The following NDUFAF2 variants were observed in gnomAD, a reference collection of about 807,000 sequenced individuals.
NDUFAF2 encodes NADH dehydrogenase [ubiquinone] 1 alpha subcomplex assembly factor 2.
In NDUFAF2, 13 loss-of-function variants were observed where a neutral mutation model predicts 22.8. The ratio of observed to expected loss-of-function variants is 0.57; its 90% CI spans 0.37 to 0.91. The LOEUF (loss-of-function observed/expected upper bound fraction) is 0.91, where lower values mean the gene tolerates loss of function less well. Among genes scored for constraint, NDUFAF2 ranks in the 40% least tolerant of loss-of-function variants. The pLI, the probability that NDUFAF2 is intolerant of heterozygous loss-of-function variation, is 0.01. For missense variants in NDUFAF2, 162 were observed against 195.2 expected (o/e 0.83, Z 1.01); for synonymous variants, 53 against 64.2 (o/e 0.83, Z 0.84).
chr5:60,973,736 T>C (rs967613281), intron 1 of NDUFAF2, among the ~76,000 whole-genome samples: 4 of 152,198 alleles, frequency 2.6e-5, no homozygotes, highest in Non-Finnish European at 5.9e-5. Flanking sequence ...ATTCTTAAGT[T>C]CTTTATTAAG....
rs1240336890 is a variant in NDUFAF2 at position 61,147,437 on chromosome 5, C to CTTTTTTTTTTTTTTTTTTTTTT, written c.259-5250_259-5249insTTTTTTTTTTTTTTTTTTTTTT. Among the ~76,000 whole-genome samples, 33 of 84,736 alleles carry CTTTTTTTTTTTTTTTTTTTTTT rather than the reference C, an allele frequency of 3.9e-4. 3 individuals are homozygous for CTTTTTTTTTTTTTTTTTTTTTT. Among genetic ancestry groups the CTTTTTTTTTTTTTTTTTTTTTT allele is most frequent in the South Asian group, 1.0e-3 (2 of 1,914 alleles). 55.6% of individuals were successfully genotyped at this position (84,736 alleles called of 152,430 possible). A position where few individuals can be genotyped will look rare whatever the true frequency, so the allele number is the denominator to read the frequency against. On this transcript the variant is annotated intron_variant, in intron 3 of 3. Transcript: ENST00000296597. ...CTAATTTTTGTATTTTTTTTTCTTT[C>CTTTTTTTTTTTTTTTTTTTTTT]TTTTTTTTTTTTTTTTTGTAGCAAC...
At chr5:61,008,362 A>T (rs1751400434) in intron 1 of NDUFAF2, among the ~76,000 whole-genome samples, 1 of 152,152 alleles carries the variant, frequency 6.6e-6, no homozygotes, top group South Asian at 2.1e-4. Flanking sequence ...TACTACAAAG[A>T]ATAGTCTTTG....
intron 2 of NDUFAF2, among the ~76,000 whole-genome samples, chr5:61,096,597 CAAAAAAAA>C (rs35508356): frequency 2.1e-4 from 20 of 95,296 alleles, no homozygotes; most frequent in Non-Finnish European, 3.5e-4. Flanking sequence ...GACACCATTG[CAAAAAAAA>C]AAAAAAAAAA....
At chr5:60,985,251 C>T (rs745640960) in intron 1 of NDUFAF2, among the ~76,000 whole-genome samples, 4 of 152,102 alleles carry the variant, frequency 2.6e-5, no homozygotes, top group Non-Finnish European at 5.9e-5. Context: ...TCCCCTTTAT[C>T]ATTTTTTGTT....
chr5:60,945,413 G>T (rs1196709544), intron 1 of NDUFAF2, 31 bp downstream of exon 1: 1 of 1,614,016 alleles, frequency 6.2e-7, no homozygotes, highest in Non-Finnish European at 8.5e-7. Context: ...GCGATTGCGT[G>T]GTCAGTGATT....
At chr5:60,964,891 C>G (rs1317609220) in intron 1 of NDUFAF2, among the ~76,000 whole-genome samples, 1 of 152,198 alleles carries the variant, frequency 6.6e-6, no homozygotes, top group African/African-American at 2.4e-5. Flanking sequence ...CCTCCTGTTC[C>G]TGCCCTTTTT....
At chr5:60,974,645 C>T (rs1750878266) in intron 1 of NDUFAF2, among the ~76,000 whole-genome samples, 1 of 152,014 alleles carries the variant, frequency 6.6e-6, no homozygotes, top group African/African-American at 2.4e-5. Flanking sequence ...AGCCACTGCC[C>T]TCTGCCCTGA....
At chr5:61,108,336 A>AT in intron 3 of NDUFAF2, among the ~76,000 whole-genome samples, 1 of 149,274 alleles carries the variant, frequency 6.7e-6, no homozygotes, top group East Asian at 1.9e-4. Flanking sequence ...AAGTGTTCCT[A>AT]TTTCTCCACA....
intron 1 of NDUFAF2, among the ~76,000 whole-genome samples, chr5:61,040,727 A>G (rs1038746764): frequency 6.6e-6 from 1 of 152,148 alleles, no homozygotes; most frequent in African/African-American, 2.4e-5. Flanking sequence ...TATATTCTTC[A>G]TGAGAACACG....
intron 1 of NDUFAF2, among the ~76,000 whole-genome samples, chr5:60,960,038 T>G (rs1750663728): frequency 6.6e-6 from 1 of 152,164 alleles, no homozygotes; most frequent in African/African-American, 2.4e-5. Flanking sequence ...TGCTTTATGC[T>G]TATGAAGTTA....
intron 1 of NDUFAF2, among the ~76,000 whole-genome samples, chr5:60,953,530 A>T (rs1369838264): frequency 6.6e-6 from 1 of 152,094 alleles, no homozygotes; most frequent in East Asian, 1.9e-4. Context: ...TGTAGCATAT[A>T]TGCTTCAGTA....
At position 60,945,385 on chromosome 5, in the gene NDUFAF2, G is replaced by C. The variant is rs1417657932; in HGVS notation, c.127+3G>C. 1 of 1,614,240 alleles carries C rather than the reference G, an allele frequency of 6.2e-7. No individual in the cohort carries two copies. Reference sequence around the variant, plus strand: ...CCCGCAGTACAAGAACTGGAGAGGTGAGGTGGCGGCGTGGGCAGCGATTGC... The same window carrying C: ...CCCGCAGTACAAGAACTGGAGAGGTCAGGTGGCGGCGTGGGCAGCGATTGC... On this transcript the variant is annotated splice_donor_region_variant and intron_variant, in intron 1 of 3. Transcript: ENST00000296597.
intron 1 of NDUFAF2, among the ~76,000 whole-genome samples, chr5:61,006,924 A>G (rs998784804): frequency 6.6e-6 from 1 of 152,128 alleles, no homozygotes; most frequent in Admixed American, 6.6e-5. Flanking sequence ...TTGGAACAAT[A>G]TAGTAGAAAG....
At chr5:61,098,121 T>C (rs1337148577) in intron 2 of NDUFAF2, among the ~76,000 whole-genome samples, 2 of 152,374 alleles carry the variant, frequency 1.3e-5, no homozygotes, top group Non-Finnish European at 2.9e-5. Context: ...CTTAGACTTA[T>C]GTGCCAGGCT....
At chr5:60,981,352 C>T (rs1750975089) in intron 1 of NDUFAF2, among the ~76,000 whole-genome samples, 1 of 152,052 alleles carries the variant, frequency 6.6e-6, no homozygotes, top group Non-Finnish European at 1.5e-5. Flanking sequence ...GTCCTTCAAA[C>T]ATAAAGGAGA....
At chr5:61,056,889 CAAAAAAAAAAAAAAA>C (rs144850054) in intron 1 of NDUFAF2, among the ~76,000 whole-genome samples, 18 of 46,784 alleles carry the variant, frequency 3.8e-4, no homozygotes, top group African/African-American at 2.4e-3. Flanking sequence ...ACTCTGTCTC[CAAAAAAAAAAAAAAA>C]AAAAAAAAAA....
chr5:61,084,128 A>G (rs1015273994), intron 2 of NDUFAF2, among the ~76,000 whole-genome samples: 1 of 151,690 alleles, frequency 6.6e-6, no homozygotes, highest in African/African-American at 2.4e-5. Context: ...TGTCAGATTA[A>G]AAAGCTGTCT....
chr5:60,990,094 A>C (rs1751138559), intron 1 of NDUFAF2, among the ~76,000 whole-genome samples: 1 of 152,206 alleles, frequency 6.6e-6, no homozygotes, highest in Non-Finnish European at 1.5e-5. Context: ...GTGGGAGCTA[A>C]AAATTAAACA....
intron 1 of NDUFAF2, among the ~76,000 whole-genome samples, chr5:61,031,490 C>CT (rs1294975212): frequency 6.6e-6 from 1 of 150,866 alleles, no homozygotes; most frequent in East Asian, 2.1e-4. Context: ...TGAACTCATG[C>CT]TTTTTTATGG....
Sources: gnomAD v4.1 joint callset for allele counts (sites outside exome capture counted in the v4.1 genomes callset) on GRCh38, gnomAD v4.1.1 for gene constraint, MANE v1.5 for transcripts, NCBI Gene and HGNC (gene_info 2026-07-23, HGNC 2026-07-21) for gene names.